IQCJ: variants seen among roughly 807,000 people sequenced by gnomAD.
IQCJ encodes the protein IQ domain-containing protein J.
Under a neutral mutation model 11.0 loss-of-function variants are expected in IQCJ, and 9 were observed. The ratio of observed to expected loss-of-function variants is 0.82; its 90% confidence interval spans 0.49 to 1.43. The LOEUF (loss-of-function observed/expected upper bound fraction) is 1.43. Among genes scored for constraint, IQCJ ranks in the 40% most tolerant of loss-of-function variants. The pLI, the probability that IQCJ is intolerant of heterozygous loss-of-function variation, is 0.00. For synonymous variants in IQCJ, 55 were observed against 51.3 expected (o/e 1.07, Z -0.31); for missense variants, 146 against 133.2 (o/e 1.10, Z -0.47).
intron 1 of IQCJ, among the ~76,000 whole-genome samples, chr3:159,190,392 G>A (rs896951792): frequency 1.3e-5 from 2 of 152,214 alleles, no homozygotes; most frequent in Non-Finnish European, 2.9e-5. Context: ...GCTAGATTTG[G>A]TAGTGCTGAC....
chr3:159,212,782 C>G (rs1399985262), intron 1 of IQCJ, among the ~76,000 whole-genome samples: 3 of 152,100 alleles, frequency 2.0e-5, no homozygotes, highest in African/African-American at 7.2e-5. Context: ...AGGGAAAATA[C>G]TCGAAGGGAA....
chr3:159,127,073 G>A (rs1378316081), intron 1 of IQCJ, among the ~76,000 whole-genome samples: 1 of 152,194 alleles, frequency 6.6e-6, no homozygotes, highest in African/African-American at 2.4e-5. Flanking sequence ...GAAACAAATG[G>A]GCATGATGCT....
intron 2 of IQCJ, among the ~76,000 whole-genome samples, chr3:159,250,040 G>A (rs1373052009): frequency 1.3e-5 from 2 of 152,232 alleles, no homozygotes; most frequent in South Asian, 2.1e-4. Context: ...ATTAACTTAA[G>A]TAAGACCTTA....
At chr3:159,187,864 T>G (rs1723462292) in intron 1 of IQCJ, among the ~76,000 whole-genome samples, 1 of 152,162 alleles carries the variant, frequency 6.6e-6, no homozygotes, top group Non-Finnish European at 1.5e-5. Flanking sequence ...AAGCAGGACC[T>G]GGAATCCCGC....
intron 1 of IQCJ, among the ~76,000 whole-genome samples, chr3:159,111,553 C>A (rs1284933743): frequency 6.6e-6 from 1 of 152,158 alleles, no homozygotes; most frequent in African/African-American, 2.4e-5. Flanking sequence ...CTGGACCATC[C>A]TGTAACTGAA....
chr3:159,256,680 T>C (rs950500074), intron 3 of IQCJ, among the ~76,000 whole-genome samples: 1 of 152,196 alleles, frequency 6.6e-6, no homozygotes, highest in Non-Finnish European at 1.5e-5. Flanking sequence ...AATGAGAAAA[T>C]TCAAGACTAG....
intron 1 of IQCJ, among the ~76,000 whole-genome samples, chr3:159,175,337 G>C (rs1441598118): frequency 6.6e-6 from 1 of 152,116 alleles, no homozygotes; most frequent in Non-Finnish European, 1.5e-5. Context: ...CAGGTGTGGT[G>C]GCGCATGCTT....
downstream of IQCJ, chr3:159,265,093 G>T (rs1035967960): frequency 1.4e-5 from 10 of 689,876 alleles, no homozygotes; most frequent in African/African-American, 1.8e-4. Flanking sequence ...ATGTTGGGAT[G>T]CTTCCAAGTC....
chr3:159,184,707 A>G (rs1268057580), intron 1 of IQCJ, among the ~76,000 whole-genome samples: 2 of 152,154 alleles, frequency 1.3e-5, no homozygotes, highest in Non-Finnish European at 2.9e-5. Context: ...CATTTTATTT[A>G]CTTTTTAAAT....
At position 159,206,733 on chromosome 3, in the gene IQCJ, T is replaced by G. The variant is rs1305080524; in HGVS notation, c.10-39110T>G. On this transcript the variant is annotated intron_variant, in intron 1 of 3. Transcript: ENST00000397832. ...TCTTTTAATTCTATGAGCTACCCCA[T>G]ATCCTTTTGATACATTCTTCCTTTT... 3.9e-5 allele frequency among the ~76,000 whole-genome samples: 6 copies of G among 152,208 alleles called. No individual in the cohort carries two copies. The South Asian group carries it at 1.0e-3, about 26-fold the overall frequency.
rs534567219 is a variant in IQCJ at position 159,155,449 on chromosome 3, T to C, written c.9+86008T>C. 2.0e-5 allele frequency among the ~76,000 whole-genome samples: 3 copies of C among 152,356 alleles called. No individual in the cohort carries two copies. The East Asian group carries it at 5.8e-4, about 29-fold the overall frequency. ...TTGGGATTACAGGCGTGAGCCACCA[T>C]GCCTGGCCTCAGTCATTTACTTTTG... On this transcript the variant is annotated intron_variant, in intron 1 of 3. Transcript: ENST00000397832.
Position 159,263,653 on chromosome 3 carries a change from C to T in IQCJ, c.*922C>T. Reference sequence around the variant, plus strand: ...GTTTATTCTGTGGTAAAAAGGTTTCCCAACACTCAACGCAATGTATTCTTT... The same window carrying T: ...GTTTATTCTGTGGTAAAAAGGTTTCTCAACACTCAACGCAATGTATTCTTT... On this transcript the variant is annotated 3_prime_UTR_variant, in exon 4 of 4. Coordinates refer to ENST00000397832, the MANE Select transcript of IQCJ (RefSeq NM_001042706.3). The T allele has an allele frequency of 1.0e-6, 1 of 985,294 alleles. No homozygotes were observed. Among genetic ancestry groups the T allele is most frequent in the African/African-American group, 1.7e-5 (1 of 57,312 alleles). The allele number at this position is 985,294 out of a possible 1,614,324, so 61.0% of individuals were successfully genotyped here. A position where few individuals can be genotyped will look rare whatever the true frequency, so the allele number is the denominator to read the frequency against.
At chr3:159,127,869 TG>T (rs1719770251) in intron 1 of IQCJ, among the ~76,000 whole-genome samples, 1 of 152,226 alleles carries the variant, frequency 6.6e-6, no homozygotes, top group Non-Finnish European at 1.5e-5. Context: ...CCAAAGATTT[TG>T]CTGCAGTGCA....
chr3:159,178,334 C>T (rs1179104360), intron 1 of IQCJ, among the ~76,000 whole-genome samples: 1 of 152,188 alleles, frequency 6.6e-6, no homozygotes, highest in Non-Finnish European at 1.5e-5. Context: ...GTATAGGCTT[C>T]GACTTGACTG....
intron 1 of IQCJ, among the ~76,000 whole-genome samples, chr3:159,134,369 G>A (rs1303737018): frequency 1.3e-5 from 2 of 152,120 alleles, no homozygotes; most frequent in African/African-American, 2.4e-5. Flanking sequence ...GGTTACACAA[G>A]AGCGTGAACA....
intron 1 of IQCJ, among the ~76,000 whole-genome samples, chr3:159,151,658 C>T (rs1006534114): frequency 8.5e-5 from 13 of 152,114 alleles, no homozygotes; most frequent in Non-Finnish European, 2.9e-5. Context: ...TTTTTTGAGA[C>T]GGAGTCTCGC....
In IQCJ at chr3:159,263,555, A is replaced by G. The variant is rs771994129; in HGVS notation, c.*824A>G. 1.6e-4 allele frequency: 153 copies of G among 985,244 alleles called. No individual in the cohort carries two copies. Among genetic ancestry groups the G allele is most frequent in the Non-Finnish European group, 1.8e-4 (149 of 829,846 alleles). The allele number at this position is 985,244 out of a possible 1,614,324, so 61.0% of individuals were successfully genotyped here. Reference sequence around the variant, plus strand: ...TTTGTAACCAGTCACTGAAATGCTGAAAAGTTAGAGAAATGAAGTAATTAC... The same window carrying G: ...TTTGTAACCAGTCACTGAAATGCTGGAAAGTTAGAGAAATGAAGTAATTAC... On this transcript the variant is annotated 3_prime_UTR_variant, in exon 4 of 4. Transcript: ENST00000397832.
chr3:159,112,623 G>T (rs538822700), intron 1 of IQCJ, among the ~76,000 whole-genome samples: 4 of 152,236 alleles, frequency 2.6e-5, no homozygotes, highest in African/African-American at 7.2e-5. Context: ...CTCTTGGTGT[G>T]AAATCGCCCC....
intron 1 of IQCJ, among the ~76,000 whole-genome samples, chr3:159,209,155 A>G (rs1724813483): frequency 6.6e-6 from 1 of 152,054 alleles, no homozygotes; most frequent in Non-Finnish European, 1.5e-5. Flanking sequence ...CCCAAACTCC[A>G]CTGGCAGAGG....
Sources: gnomAD v4.1 joint callset for allele counts (sites outside exome capture counted in the v4.1 genomes callset) on GRCh38, gnomAD v4.1.1 for gene constraint, MANE v1.5 for transcripts, NCBI Gene and HGNC (gene_info 2026-07-23, HGNC 2026-07-21) for gene names.